REEP1: variants seen among roughly 807,000 people sequenced by gnomAD.
REEP1 encodes the protein receptor expression-enhancing protein 1.
Under a neutral mutation model 40.3 loss-of-function variants are expected in REEP1, and 22 were observed. The ratio of observed to expected loss-of-function variants is 0.55; its 90% CI spans 0.39 to 0.78. REEP1 has a LOEUF of 0.78. Ranked by LOEUF, REEP1 falls within the 30% of genes least tolerant of loss-of-function variation. REEP1 has a pLI of 0.00. For missense variants in REEP1, 280 were observed against 361.1 expected (o/e 0.78, Z 1.82); for synonymous variants, 116 against 139.2 (o/e 0.83, Z 1.17).
intron 1 of REEP1, among the ~76,000 whole-genome samples, chr2:86,297,170 A>G (rs188936491): frequency 1.9e-3 from 291 of 152,286 alleles, no homozygotes; most frequent in Non-Finnish European, 3.5e-3. Context: ...AGAGCTGGCC[A>G]GCACTTGTGA....
At chr2:86,323,538 G>T (rs1424007336) in intron 1 of REEP1, among the ~76,000 whole-genome samples, 1 of 152,116 alleles carries the variant, frequency 6.6e-6, no homozygotes, top group Admixed American at 6.5e-5. Flanking sequence ...TGTGAATTGC[G>T]CATGTGAGAG....
At chr2:86,250,758 A>G (rs1676228985) in intron 5 of REEP1, among the ~76,000 whole-genome samples, 1 of 152,138 alleles carries the variant, frequency 6.6e-6, no homozygotes, top group Non-Finnish European at 1.5e-5. Flanking sequence ...CTTTGTCTGC[A>G]GAATTCCTTG....
In REEP1 at chr2:86,290,799, C is replaced by G. The variant is rs116751974; in HGVS notation, c.33-8557G>C. On this transcript the variant is annotated intron_variant, in intron 1 of 8. Coordinates refer to ENST00000538924, the MANE Select transcript of REEP1 (RefSeq NM_001371279.1). ...TAATCTGGGAAAAGAGATCCTCCGT[C>G]TGAGCACACAGCTCAGGTTCCCATA... Among the ~76,000 whole-genome samples, 991 of 152,306 alleles carry G rather than the reference C, an allele frequency of 6.5e-3. 12 individuals carry two copies. Among genetic ancestry groups the G allele is most frequent in the African/African-American group, 0.023 (956 of 41,558 alleles).
chr2:86,329,104 A>C (rs917747303), intron 1 of REEP1, among the ~76,000 whole-genome samples: 1 of 152,174 alleles, frequency 6.6e-6, no homozygotes, highest in Non-Finnish European at 1.5e-5. Context: ...AAGGGGATAC[A>C]GTGGGAAGAT....
intron 2 of REEP1, among the ~76,000 whole-genome samples, chr2:86,265,656 T>G (rs1677092234): frequency 6.6e-6 from 1 of 151,888 alleles, no homozygotes; most frequent in Non-Finnish European, 1.5e-5. Context: ...GGAACTGGAG[T>G]CCATTATCAT....
intron 7 of REEP1, among the ~76,000 whole-genome samples, chr2:86,225,264 A>G (rs1573992826): frequency 6.6e-6 from 1 of 152,182 alleles, no homozygotes; most frequent in East Asian, 1.9e-4. Context: ...TATGGCCTCC[A>G]GAATCCCCAG....
intron 1 of REEP1, among the ~76,000 whole-genome samples, chr2:86,307,589 T>C (rs951540162): frequency 1.3e-5 from 2 of 152,118 alleles, no homozygotes; most frequent in Non-Finnish European, 2.9e-5. Context: ...AGTGAGACCC[T>C]GTCTCTACAA....
At chr2:86,247,846 T>C (rs1296714384) in intron 5 of REEP1, among the ~76,000 whole-genome samples, 1 of 152,112 alleles carries the variant, frequency 6.6e-6, no homozygotes, top group East Asian at 1.9e-4. Context: ...GTTGGGATTA[T>C]AGGAATGAGC....
chr2:86,299,567 ACTAGCCTTCTTCCAG>A (rs1170585699), intron 1 of REEP1, among the ~76,000 whole-genome samples: 1 of 152,152 alleles, frequency 6.6e-6, no homozygotes, highest in Non-Finnish European at 1.5e-5. Context: ...TTAGCACTTA[ACTAGCCTTCTTCCAG>A]CTTGCATTAT....
chr2:86,297,937 G>A (rs1679062217), intron 1 of REEP1, among the ~76,000 whole-genome samples: 1 of 152,156 alleles, frequency 6.6e-6, no homozygotes, highest in South Asian at 2.1e-4. Flanking sequence ...GTATAATTTG[G>A]CAAAAACTTC....
At chr2:86,327,598 C>T (rs1336935687) in intron 1 of REEP1, among the ~76,000 whole-genome samples, 8 of 147,248 alleles carry the variant, frequency 5.4e-5, no homozygotes, top group South Asian at 2.1e-4. Context: ...GATGGGGCCT[C>T]GCTCTGCCGC....
intron 1 of REEP1, among the ~76,000 whole-genome samples, chr2:86,285,124 C>T (rs1388984607): frequency 2.0e-5 from 3 of 152,234 alleles, no homozygotes; most frequent in Admixed American, 6.5e-5. Flanking sequence ...GCTTCCCACC[C>T]CTCCCTCAGC....
chr2:86,265,960 T>A (rs1219514643), intron 2 of REEP1, among the ~76,000 whole-genome samples: 1 of 152,192 alleles, frequency 6.6e-6, no homozygotes, highest in Non-Finnish European at 1.5e-5. Flanking sequence ...AAGAAAAATG[T>A]ATAAAATATC....
At position 86,232,741 on chromosome 2, in the gene REEP1, C is replaced by T. The variant is rs1337813159; in HGVS notation, c.479G>A (p.Arg160Lys). 6.2e-7 allele frequency: 1 copy of T among 1,607,904 alleles called. No homozygotes were observed. The highest frequency in any genetic ancestry group is 2.2e-5 in the East Asian group (1 of 44,874). ...SFSMQDLTTI[R>K]GDGAPAPSGP... ...CGAGGGAGCAGGGGCGCCGTCTCCC[C>T]TGATGGTGGTGAGGTCCTGCATGCT... Residue 160 changes from arginine (R) to lysine (K), a missense_variant, in exon 6 of 9, where the codon AGG becomes AAG. This residue lies in a region of REEP1 where 201 missense variants were observed against 238.5 expected (regional missense o/e 0.84). Coordinates refer to ENST00000538924, the MANE Select transcript of REEP1 (RefSeq NM_001371279.1).
At chr2:86,336,091 C>G (rs966918272) in intron 1 of REEP1, among the ~76,000 whole-genome samples, 9 of 152,184 alleles carry the variant, frequency 5.9e-5, no homozygotes, top group Non-Finnish European at 1.2e-4. Flanking sequence ...AAACACCACC[C>G]TGAAGGCAAG....
In REEP1 at chr2:86,337,562, G is replaced by C. The variant is rs1253551654; in HGVS notation, c.-52C>G. On this transcript the variant is annotated 5_prime_UTR_variant, in exon 1 of 9. Coordinates refer to ENST00000538924, the MANE Select transcript of REEP1 (RefSeq NM_001371279.1). This position sits in a 1 kb window ranked among gnomAD's most constrained non-coding sequence, Gnocchi z 5.8. ...GGGCGGCGCGGCTCGGCTAGGCTGC[G>C]GGCGGCGCGGGCTGCTGCGGCGTTC... The C allele has an allele frequency of 1.2e-5, 14 of 1,208,060 alleles. No homozygotes were observed. Among genetic ancestry groups the C allele is most frequent in the African/African-American group, 1.6e-5 (1 of 62,314 alleles). The allele number at this position is 1,208,060 out of a possible 1,614,324, so 74.8% of individuals were successfully genotyped here. A position where few individuals can be genotyped will look rare whatever the true frequency, so the allele number is the denominator to read the frequency against.
rs577493415 is a variant in REEP1, at chr2:86,277,450, G to C, written c.105+4720C>G. On this transcript the variant is annotated intron_variant, in intron 2 of 8. Transcript: ENST00000538924. ...GCATGCCTGTAATTCCTGCTACTGG[G>C]GAGGCTGAGGCAGGAGAATCACTTG... Among the ~76,000 whole-genome samples, 3 of 152,098 alleles carry C rather than the reference G, an allele frequency of 2.0e-5. No individual in the cohort carries two copies. The South Asian group carries it at 6.2e-4, about 32-fold the overall frequency.
intron 2 of REEP1, among the ~76,000 whole-genome samples, chr2:86,265,829 T>C (rs1256507654): frequency 4.6e-5 from 7 of 152,202 alleles, no homozygotes; most frequent in African/African-American, 1.7e-4. Flanking sequence ...AACTACCGAA[T>C]GGGTACAATT....
chr2:86,296,084 G>C (rs912944515), intron 1 of REEP1, among the ~76,000 whole-genome samples: 3 of 152,128 alleles, frequency 2.0e-5, no homozygotes, highest in Non-Finnish European at 4.4e-5. Flanking sequence ...GCCTCAAATG[G>C]CCACAATCAT....
Sources: allele counts gnomAD v4.1 joint callset (sites outside exome capture counted in the v4.1 genomes callset), GRCh38; gene constraint gnomAD v4.1.1; regional missense constraint gnomAD v4.1.1; non-coding constraint Gnocchi (gnomAD v3.1); transcripts MANE v1.5; gene names NCBI Gene and HGNC (gene_info 2026-07-23, HGNC 2026-07-21).